The following FGFR2 variants were observed in gnomAD, a reference collection of about 807,000 sequenced individuals.
FGFR2 encodes fibroblast growth factor receptor 2.
FGFR2 carries 19 observed loss-of-function variants against 95.9 expected under a neutral mutation model. The ratio of observed to expected loss-of-function variants is 0.20; its 90% CI spans 0.14 to 0.29. The LOEUF (loss-of-function observed/expected upper bound fraction) is 0.29, where lower values mean the gene tolerates loss of function less well. Ranked by LOEUF, FGFR2 falls within the 10% of genes least tolerant of loss-of-function variation. FGFR2 has a pLI of 1.00. For synonymous variants in FGFR2, 392 were observed against 393.3 expected (o/e 1.00, Z 0.04); for missense variants, 707 against 1,056.9 (o/e 0.67, Z 4.59).
At chr10:121,544,762 C>T (rs535363689) in intron 5 of FGFR2, among the ~76,000 whole-genome samples, 6 of 152,206 alleles carry the variant, frequency 3.9e-5, no homozygotes, top group African/African-American at 1.4e-4. Context: ...TGCACAACAC[C>T]ATGAATGTAA....
At chr10:121,581,548 G>A (rs1564733640) in intron 2 of FGFR2, among the ~76,000 whole-genome samples, 1 of 148,954 alleles carries the variant, frequency 6.7e-6, no homozygotes, top group Non-Finnish European at 1.5e-5. Flanking sequence ...AGACCAGGCT[G>A]GGCAACAAGT....
intron 2 of FGFR2, among the ~76,000 whole-genome samples, chr10:121,583,874 A>G (rs892899282): frequency 2.0e-5 from 3 of 152,052 alleles, no homozygotes; most frequent in Admixed American, 1.3e-4. Flanking sequence ...GAGTCACTTG[A>G]TCCCCAAGAA....
At chr10:121,592,281 T>G (rs1862769552) in intron 2 of FGFR2, among the ~76,000 whole-genome samples, 1 of 152,178 alleles carries the variant, frequency 6.6e-6, no homozygotes. Flanking sequence ...ATGAAAGCCC[T>G]GTAAAAATGC....
rs1409104505 is a variant in FGFR2 at position 121,517,732 on chromosome 10, T to G, written c.940-269A>C. On this transcript the variant is annotated intron_variant, in intron 7 of 17. Coordinates refer to ENST00000358487, the MANE Select transcript of FGFR2 (RefSeq NM_000141.5). The surrounding 1 kb of genome is among the most constrained non-coding windows in gnomAD (Gnocchi z 4.7). ...GAAAAAATCAACCCACAGAGGTCCGTTCTCTTGGCCTGTGCTTTGGTTTGC... is the reference window on the plus strand; with the variant it reads ...GAAAAAATCAACCCACAGAGGTCCGGTCTCTTGGCCTGTGCTTTGGTTTGC... Among the ~76,000 whole-genome samples the G allele has an allele frequency of 6.6e-6, 1 of 152,060 alleles. No individual in the cohort carries two copies. Among genetic ancestry groups the G allele is most frequent in the Admixed American group, 6.5e-5 (1 of 15,276 alleles).
At chr10:121,534,556 C>T (rs149352842) in intron 6 of FGFR2, among the ~76,000 whole-genome samples, 1,757 of 151,940 alleles carry the variant, frequency 0.012, 37 homozygotes, top group African/African-American at 0.039. Flanking sequence ...CCACCACACC[C>T]GGCTAATTTT....
intron 6 of FGFR2, among the ~76,000 whole-genome samples, chr10:121,524,135 CACACA>C (rs1850974238): frequency 6.7e-6 from 1 of 148,968 alleles, no homozygotes; most frequent in Non-Finnish European, 1.5e-5. Context: ...CACACACACA[CACACA>C]CACACACCCC....
chr10:121,496,833 A>G, intron 12 of FGFR2, 111 bp from the exon 13 acceptor site: 1 of 963,726 alleles, frequency 1.0e-6, no homozygotes, highest in Non-Finnish European at 1.6e-6. Flanking sequence ...TTTTTTTTTA[A>G]AGTTTAACAT....
chr10:121,577,462 G>C (rs1175908669), intron 2 of FGFR2, among the ~76,000 whole-genome samples: 2 of 152,156 alleles, frequency 1.3e-5, no homozygotes, highest in East Asian at 1.9e-4. Flanking sequence ...TGAGAGAGGA[G>C]GGGGCAGGGC....
chr10:121,501,738 A>G (rs778864570), intron 10 of FGFR2, among the ~76,000 whole-genome samples: 3 of 152,236 alleles, frequency 2.0e-5, no homozygotes, highest in Non-Finnish European at 4.4e-5. Context: ...ATTTAAGGTA[A>G]GTACACAATA....
chr10:121,515,362 T>C lies in FGFR2; in HGVS notation c.1085-43A>G, dbSNP rs780176239. On this transcript the variant is annotated intron_variant, in intron 8 of 17. Transcript: ENST00000358487. ...GGAGGAGGAACAGATAAGCAGGCCA[T>C]AGAGTTAGCACACCAGACTGACGCA... is the stretch of plus-strand genomic sequence containing the variant. 2.5e-6 allele frequency: 4 copies of C among 1,581,108 alleles called. No homozygotes were observed. The South Asian group carries it at 3.3e-5, about 13-fold the overall frequency.
At chr10:121,540,747 C>T (rs41295495) in intron 5 of FGFR2, among the ~76,000 whole-genome samples, 1 of 152,318 alleles carries the variant, frequency 6.6e-6, no homozygotes, top group East Asian at 1.9e-4. Context: ...TTTATCCCTG[C>T]TGTAAATATT....
chr10:121,543,899 C>T (rs2134691498), intron 5 of FGFR2, among the ~76,000 whole-genome samples: 1 of 152,312 alleles, frequency 6.6e-6, no homozygotes, highest in South Asian at 2.1e-4. Flanking sequence ...CTTGTCGGTG[C>T]TCACAAAGGT....
intron 6 of FGFR2, chr10:121,527,885 T>TCAGAGCCTCAGCAGC (rs1160175072): frequency 1.3e-5 from 2 of 152,216 alleles, no homozygotes; most frequent in African/African-American, 4.8e-5. Context: ...GGGAGTCACG[T>TCAGAGCCTCAGCAGC]CAGAGCCTCA....
rs56226109 is a variant in FGFR2, at chr10:121,565,644, G to A, written c.170C>T (p.Ser57Leu). The change falls in exon 3 of 18, where the codon TCG (serine) becomes TTG (leucine). Residue 57 changes from serine (S) to leucine (L), a missense_variant. Ser to Leu is a moderately radical substitution (Grantham distance 145). Coordinates refer to ENST00000358487, the MANE Select transcript of FGFR2 (RefSeq NM_000141.5). ...TTTCAACAGGCAGCGCACCTCTAGC[G>A]ACTCCCCTGGCGCAGCCACGTACAC... ...PEVYVAAPGE[S>L]LEVRCLLKDA... 4.7e-3 allele frequency: 7,578 copies of A among 1,614,166 alleles called. 48 individuals are homozygous for A. The highest frequency in any genetic ancestry group is 0.021 in the South Asian group (1,944 of 91,078).
At chr10:121,563,883 G>A (rs1384488751) in intron 4 of FGFR2, among the ~76,000 whole-genome samples, 1 of 152,138 alleles carries the variant, frequency 6.6e-6, no homozygotes, top group East Asian at 1.9e-4. Flanking sequence ...CTTTTCAATC[G>A]TGGTCTACAA....
rs2134277720 is a variant in FGFR2 at position 121,518,595 on chromosome 10, G to T, written c.940-1132C>A. The T allele has an allele frequency of 1.4e-6, 2 of 1,471,124 alleles. No individual in the cohort carries two copies. Among genetic ancestry groups the T allele is most frequent in the Non-Finnish European group, 1.9e-6 (2 of 1,058,858 alleles). The allele number at this position is 1,471,124 out of a possible 1,614,324, so 91.1% of individuals were successfully genotyped here. On this transcript the variant is annotated intron_variant, in intron 7 of 17. Transcript: ENST00000358487. The surrounding 1 kb of genome is among the most constrained non-coding windows in gnomAD (Gnocchi z 4.0). ...GGCCACAAGAGTTATCCTATAAGCT[G>T]CCTGCAGTCTCCCAAAGCACCAAGT... is the stretch of plus-strand genomic sequence containing the variant.
intron 2 of FGFR2, 92 bp downstream of exon 2, chr10:121,593,617 A>G (rs1863000612): frequency 1.8e-6 from 2 of 1,127,864 alleles, no homozygotes; most frequent in Admixed American, 1.9e-5. Flanking sequence ...CCCATTTACA[A>G]TGCAAGGGTA....
intron 13 of FGFR2, among the ~76,000 whole-genome samples, chr10:121,494,067 A>C (rs897553356): frequency 2.6e-5 from 4 of 151,546 alleles, no homozygotes; most frequent in Admixed American, 6.6e-5. Flanking sequence ...ATCACCTTTG[A>C]CAGGGGCTCA....
At position 121,484,153 on chromosome 10, in the gene FGFR2, C is replaced by T. The variant is rs4647919; in HGVS notation, c.2196-350G>A. Among the ~76,000 whole-genome samples, 4,791 of 152,176 alleles carry T rather than the reference C, an allele frequency of 0.031. 108 individuals are homozygous for T. The highest frequency in any genetic ancestry group is 0.051 in the African/African-American group (2,126 of 41,504). On this transcript the variant is annotated intron_variant, in intron 16 of 17. Coordinates refer to ENST00000358487, the MANE Select transcript of FGFR2 (RefSeq NM_000141.5). ...AAAATGCGTATTTCCATGGGCTGGT[C>T]TCCAGTCTTCCCTCCCCTGACACCC...
Sources: allele counts gnomAD v4.1 joint callset (sites outside exome capture counted in the v4.1 genomes callset), GRCh38; gene constraint gnomAD v4.1.1; non-coding constraint Gnocchi (gnomAD v3.1); transcripts MANE v1.5; gene names NCBI Gene and HGNC (gene_info 2026-07-23, HGNC 2026-07-21).